Variants in ACKR2 observed in about 807,000 individuals in gnomAD.
The protein encoded by ACKR2 is atypical chemokine receptor 2.
For missense variants in ACKR2, 457 were observed against 477.3 expected (o/e 0.96, Z 0.40); for synonymous variants, 207 against 192.2 (o/e 1.08, Z -0.64).
chr3:42,856,429 G>C, intron 2 of ACKR2: 2 of 702,328 alleles, frequency 2.8e-6, no homozygotes, highest in Non-Finnish European at 2.6e-6. Flanking sequence ...TAGATACTTT[G>C]GGTCAACTGA....
At chr3:42,810,630 CA>C (rs1474535853) in intron 1 of ACKR2, among the ~76,000 whole-genome samples, 1 of 151,982 alleles carries the variant, frequency 6.6e-6, no homozygotes, top group East Asian at 1.9e-4. Flanking sequence ...TTTAGCCAAC[CA>C]AAATTAGTTT....
In ACKR2 at chr3:42,865,210, C is replaced by G. The variant is rs773542847; in HGVS notation, c.708C>G (p.Val236=). The G allele has an allele frequency of 3.1e-6, 5 of 1,614,206 alleles. No individual in the cohort carries two copies. In the South Asian group the frequency reaches 5.5e-5, roughly 18 times the overall value. Residue 236 remains valine, a synonymous_variant, in exon 3 of 3, where the codon GTC becomes GTG. Coordinates refer to ENST00000422265, the MANE Select transcript of ACKR2 (RefSeq NM_001296.5). ...TCTTCTACTCCCGTATTGGTTGTGTCTTGGTGAGGCTGAGGCCCGCAGGCC... is the reference window on the plus strand; with the variant it reads ...TCTTCTACTCCCGTATTGGTTGTGTGTTGGTGAGGCTGAGGCCCGCAGGCC... The part of the protein sequence containing the change: ...MIFFYSRIGC[V]LVRLRPAGQG...
At chr3:42,816,326 G>A (rs1700750264) in intron 1 of ACKR2, among the ~76,000 whole-genome samples, 1 of 151,978 alleles carries the variant, frequency 6.6e-6, no homozygotes, top group African/African-American at 2.4e-5. Context: ...GAAGAAGCTA[G>A]GAGCTAGAAA....
chr3:42,820,888 T>C (rs1276583178), intron 2 of ACKR2, among the ~76,000 whole-genome samples: 1 of 151,816 alleles, frequency 6.6e-6, no homozygotes, highest in African/African-American at 2.4e-5. Context: ...CAATAGTTTT[T>C]TTTTTTTTTT....
intron 2 of ACKR2, among the ~76,000 whole-genome samples, chr3:42,862,048 C>T (rs915544876): frequency 2.0e-4 from 31 of 152,088 alleles, no homozygotes; most frequent in Non-Finnish European, 3.8e-4. Flanking sequence ...AAAGCGTATT[C>T]GAATAGGAAG....
rs2088430094 is a variant in ACKR2, at chr3:42,865,740, A to G, written c.*83A>G. On this transcript the variant is annotated 3_prime_UTR_variant, in exon 3 of 3. Coordinates refer to ENST00000422265, the MANE Select transcript of ACKR2 (RefSeq NM_001296.5). The stretch of plus-strand genomic sequence containing the variant: ...TCAAAGTGCTCTCTCCAGGGGCCTC[A>G]GTGACTGTGTTGCTAAACCCAGTGG... 1 of 1,129,498 alleles carries G rather than the reference A, an allele frequency of 8.9e-7. No homozygotes were observed. The highest frequency in any genetic ancestry group is 1.3e-6 in the Non-Finnish European group (1 of 790,898). The allele number at this position is 1,129,498 out of a possible 1,614,324, so 70.0% of individuals were successfully genotyped here.
At position 42,860,189 on chromosome 3, in the gene ACKR2, A is replaced by AAAAAAAAAAAAC. The variant is rs376833790; in HGVS notation, c.-37-4277_-37-4276insAAAAAAAAAAAC. On this transcript the variant is annotated intron_variant, in intron 2 of 2. Coordinates refer to ENST00000422265, the MANE Select transcript of ACKR2 (RefSeq NM_001296.5). ...CAAAAAAAAAAAAAAAAAAAAAAAA[A>AAAAAAAAAAAAC]GCAGGGGATGCAATCCTAGTCTCTG... 1.5e-3 allele frequency among the ~76,000 whole-genome samples: 167 copies of AAAAAAAAAAAAC among 111,620 alleles called. 17 individuals carry two copies. Among genetic ancestry groups the AAAAAAAAAAAAC allele is most frequent in the Middle Eastern group, 4.7e-3 (1 of 212 alleles). The allele number at this position is 111,620 out of a possible 152,430, so 73.2% of individuals were successfully genotyped here.
rs185092420 is a variant in ACKR2, at chr3:42,834,258, A to G, written c.-38+14547A>G. 2.2e-3 allele frequency among the ~76,000 whole-genome samples: 340 copies of G among 152,314 alleles called. 3 individuals carry two copies. Among genetic ancestry groups the G allele is most frequent in the African/African-American group, 7.7e-3 (322 of 41,570 alleles). On this transcript the variant is annotated intron_variant, in intron 2 of 2. Transcript: ENST00000422265. The stretch of plus-strand genomic sequence containing the variant: ...CAGGCGTGAGCCACTGTGCCCAGCC[A>G]CATTATCATTATTATACCGCTATGG...
chr3:42,841,020 C>A (rs1261010953), intron 2 of ACKR2, among the ~76,000 whole-genome samples: 1 of 152,118 alleles, frequency 6.6e-6, no homozygotes, highest in Non-Finnish European at 1.5e-5. Context: ...TGCCATGGCC[C>A]CCACCCCTAC....
At chr3:42,849,359 G>A (rs113784822) in intron 2 of ACKR2, among the ~76,000 whole-genome samples, 11 of 152,126 alleles carry the variant, frequency 7.2e-5, no homozygotes, top group South Asian at 4.2e-4. Context: ...AAGATTAGCC[G>A]GGCATGGTGG....
chr3:42,832,202 C>T (rs954083024), intron 2 of ACKR2, among the ~76,000 whole-genome samples: 1 of 152,008 alleles, frequency 6.6e-6, no homozygotes, highest in African/African-American at 2.4e-5. Flanking sequence ...AATTCATTGC[C>T]ATCAGGCTAG....
At chr3:42,826,969 T>C (rs1559685698) in intron 2 of ACKR2, among the ~76,000 whole-genome samples, 1 of 152,236 alleles carries the variant, frequency 6.6e-6, no homozygotes, top group Non-Finnish European at 1.5e-5. Context: ...TGATTTCTTC[T>C]TTGACCCATT....
Position 42,865,683 on chromosome 3 carries a change from A to G in ACKR2, c.*26A>G, listed in dbSNP as rs1405078775. 1 of 1,567,950 alleles carries G rather than the reference A, an allele frequency of 6.4e-7. No homozygotes were observed. The highest frequency in any genetic ancestry group is 1.2e-5 in the South Asian group (1 of 82,836). ...GTGACCAAATTTTGGTCTGGTGGGAACAGATGGGAACCAGCTCAATTGGGT... is the reference window on the plus strand; with the variant it reads ...GTGACCAAATTTTGGTCTGGTGGGAGCAGATGGGAACCAGCTCAATTGGGT... On this transcript the variant is annotated 3_prime_UTR_variant, in exon 3 of 3. Transcript: ENST00000422265.
chr3:42,839,980 C>T (rs1353043984), intron 2 of ACKR2, among the ~76,000 whole-genome samples: 1 of 152,074 alleles, frequency 6.6e-6, no homozygotes, highest in African/African-American at 2.4e-5. Flanking sequence ...TAGAGCAGGC[C>T]GGGCGCAGTG....
chr3:42,810,310 T>C (rs1700681674), intron 1 of ACKR2, among the ~76,000 whole-genome samples: 2 of 152,224 alleles, frequency 1.3e-5, no homozygotes, highest in Non-Finnish European at 2.9e-5. Flanking sequence ...TTGTTGAAAT[T>C]GTTTAAAAAG....
intron 2 of ACKR2, among the ~76,000 whole-genome samples, chr3:42,826,570 TC>T (rs143472533): frequency 0.033 from 5,028 of 152,196 alleles, 190 homozygotes; most frequent in African/African-American, 0.096. Context: ...AATCTTTTTT[TC>T]TATAGTGATT....
intron 2 of ACKR2, among the ~76,000 whole-genome samples, chr3:42,830,570 G>T (rs1221943216): frequency 6.6e-6 from 1 of 152,198 alleles, no homozygotes; most frequent in Non-Finnish European, 1.5e-5. Context: ...GAGGAGAAGA[G>T]GTGTAGTGCA....
chr3:42,838,171 A>G (rs1480749404), intron 2 of ACKR2, among the ~76,000 whole-genome samples: 2 of 152,226 alleles, frequency 1.3e-5, no homozygotes, highest in Non-Finnish European at 2.9e-5. Context: ...AGCATAATCC[A>G]TAAAAGAAAA....
At chr3:42,849,773 G>A (rs1422588788) in intron 2 of ACKR2, among the ~76,000 whole-genome samples, 3 of 152,156 alleles carry the variant, frequency 2.0e-5, no homozygotes, top group Non-Finnish European at 4.4e-5. Context: ...CACAAGAATA[G>A]GTTATAGCCT....
Sources: gnomAD v4.1 joint callset for allele counts (sites outside exome capture counted in the v4.1 genomes callset) on GRCh38, gnomAD v4.1.1 for gene constraint, MANE v1.5 for transcripts, NCBI Gene and HGNC (gene_info 2026-07-23, HGNC 2026-07-21) for gene names.